The following SEZ6 variants were observed in gnomAD, a reference collection of about 807,000 sequenced individuals.
SEZ6 encodes seizure protein 6 homolog.
In SEZ6, 53 loss-of-function variants were observed where a neutral mutation model predicts 101.0. That is an observed-to-expected ratio of 0.52 (90% CI 0.42 to 0.66). SEZ6 has a LOEUF of 0.66. SEZ6 is among the 30% of genes least tolerant of loss of function. SEZ6 has a pLI of 0.00. For synonymous variants in SEZ6, 488 were observed against 512.2 expected (o/e 0.95, Z 0.64); for missense variants, 1,102 against 1,289.4 (o/e 0.85, Z 2.23).
intron 4 of SEZ6, among the ~76,000 whole-genome samples, chr17:28,967,879 G>C (rs565370375): frequency 6.6e-6 from 1 of 152,212 alleles, no homozygotes; most frequent in Admixed American, 6.5e-5. Context: ...AACCGTTCCC[G>C]GGGAGCCTGA....
chr17:28,990,202 C>T (rs1255389956), intron 1 of SEZ6, among the ~76,000 whole-genome samples: 1 of 152,172 alleles, frequency 6.6e-6, no homozygotes, highest in African/African-American at 2.4e-5. Flanking sequence ...TTGCAACTTT[C>T]CCAATTACTC....
intron 3 of SEZ6, among the ~76,000 whole-genome samples, chr17:28,974,080 T>C (rs1445443295): frequency 6.6e-6 from 1 of 152,146 alleles, no homozygotes; most frequent in Non-Finnish European, 1.5e-5. Context: ...GCCCTGTCTG[T>C]CCCCATAGAA....
chr17:28,968,947 C>G (rs1386585024), intron 4 of SEZ6, among the ~76,000 whole-genome samples: 2 of 152,232 alleles, frequency 1.3e-5, no homozygotes, highest in African/African-American at 2.4e-5. Flanking sequence ...CTTTTCCTCC[C>G]TCTCCCATCC....
At chr17:28,991,483 GGT>G (rs2041456970) in intron 1 of SEZ6, among the ~76,000 whole-genome samples, 1 of 152,248 alleles carries the variant, frequency 6.6e-6, no homozygotes, top group Non-Finnish European at 1.5e-5. Flanking sequence ...TGGGATTACA[GGT>G]ATGAGTCACA....
chr17:28,959,967 C>T lies in SEZ6; in HGVS notation c.1577-75G>A. ...CAGTGGGCAAGCATCCCCCTACTTC[C>T]CTCCCCAGAGCCTTTCTTTTCCTGG... On this transcript the variant is annotated intron_variant, in intron 7 of 16. Transcript: ENST00000317338. The surrounding 1 kb of genome is among the most constrained non-coding windows in gnomAD (Gnocchi z 4.4). 1.4e-6 allele frequency: 2 copies of T among 1,470,796 alleles called. No individual in the cohort carries two copies. Among genetic ancestry groups the T allele is most frequent in the Non-Finnish European group, 1.8e-6 (2 of 1,083,636 alleles). The allele number at this position is 1,470,796 out of a possible 1,614,324, so 91.1% of individuals were successfully genotyped here. A position where few individuals can be genotyped will look rare whatever the true frequency, so the allele number is the denominator to read the frequency against.
chr17:28,956,391 C>G lies in SEZ6; in HGVS notation c.2808G>C (p.Ala936=). ...IAAAIFLPLV[A]MVLLVGGVYF... ...ATACACCTCCTACCAACAACACCAT[C>G]GCCACCAGTGGCAAGAAGATGGCAG... The change falls in exon 15 of 17, where the codon GCG becomes GCC. Residue 936 remains alanine (A), a synonymous_variant. Transcript: ENST00000317338. 1 of 1,572,430 alleles carries G rather than the reference C, an allele frequency of 6.4e-7. No homozygotes were observed. The highest frequency in any genetic ancestry group is 1.9e-5 in the Admixed American group (1 of 53,480).
chr17:28,997,366 C>T (rs1194231537), intron 1 of SEZ6, among the ~76,000 whole-genome samples: 1 of 152,170 alleles, frequency 6.6e-6, no homozygotes, highest in African/African-American at 2.4e-5. Context: ...AGGGGGCCTG[C>T]CAGCTGCTGG....
At chr17:28,969,656 C>T in intron 4 of SEZ6, 101 bp downstream of exon 4, 1 of 1,144,894 alleles carries the variant, frequency 8.7e-7, no homozygotes, top group Admixed American at 4.2e-5. Flanking sequence ...TAGCCCCTCT[C>T]TGCTCCTTCC....
chr17:28,978,813 C>T (rs1431363355), intron 3 of SEZ6, among the ~76,000 whole-genome samples: 1 of 151,102 alleles, frequency 6.6e-6, no homozygotes, highest in Non-Finnish European at 1.5e-5. Flanking sequence ...GCAGCTACTG[C>T]ATCATCAGGG....
intron 1 of SEZ6, among the ~76,000 whole-genome samples, chr17:29,004,625 C>A (rs2041660349): frequency 6.6e-6 from 1 of 152,194 alleles, no homozygotes; most frequent in South Asian, 2.1e-4. Flanking sequence ...GCCTTGACCT[C>A]GGCAGCGGCC....
chr17:28,980,592 G>A (rs2041286578), intron 2 of SEZ6, among the ~76,000 whole-genome samples: 1 of 151,636 alleles, frequency 6.6e-6, no homozygotes, highest in African/African-American at 2.4e-5. Flanking sequence ...GGGTGGTCTC[G>A]ATCTCCTGAC....
At chr17:28,991,354 G>A (rs911202634) in intron 1 of SEZ6, among the ~76,000 whole-genome samples, 1 of 152,016 alleles carries the variant, frequency 6.6e-6, no homozygotes, top group Admixed American at 6.5e-5. Context: ...GCAGGCGCCC[G>A]CCACTACGCC....
chr17:28,957,396 G>A lies in SEZ6; in HGVS notation c.2446C>T (p.Arg816Cys), dbSNP rs757335969. The A allele has an allele frequency of 3.1e-6, 5 of 1,613,774 alleles. No individual in the cohort carries two copies. The highest frequency in any genetic ancestry group is 1.1e-5 in the South Asian group (1 of 91,052). The change falls in exon 12 of 17, where the codon CGC (arginine) becomes TGC (cysteine). Residue 816 changes from arginine (R) to cysteine (C), a missense_variant. Around this residue, in one of 3 missense-constraint regions of SEZ6, gnomAD observed 556 missense variants for 735.1 expected, o/e 0.76. Coordinates refer to ENST00000317338, the MANE Select transcript of SEZ6 (RefSeq NM_178860.5). ...CTCCACTTGGGGCTGCCAGCCTGGC[G>A]ATCATGGCAGGTGAGGATGGAGCTG... is the stretch of plus-strand genomic sequence containing the variant. ...MGSSILTCHD[R>C]QAGSPKWSDR...
At chr17:28,976,582 A>G (rs1476312502) in intron 3 of SEZ6, among the ~76,000 whole-genome samples, 1 of 152,124 alleles carries the variant, frequency 6.6e-6, no homozygotes, top group Non-Finnish European at 1.5e-5. Context: ...CTGAGGAGCC[A>G]TGGGGAGCTC....
At chr17:28,994,698 C>T (rs544088204) in intron 1 of SEZ6, among the ~76,000 whole-genome samples, 6 of 152,032 alleles carry the variant, frequency 3.9e-5, no homozygotes, top group Admixed American at 2.6e-4. Context: ...CGTAAGCCAC[C>T]GCGTCCGGCC....
intron 1 of SEZ6, among the ~76,000 whole-genome samples, chr17:29,002,255 C>T (rs1445456501): frequency 6.6e-6 from 1 of 152,004 alleles, no homozygotes; most frequent in African/African-American, 2.4e-5. Flanking sequence ...GCTGGAGGGC[C>T]TGGAACTGGA....
chr17:28,974,186 G>C (rs761976899), intron 3 of SEZ6, among the ~76,000 whole-genome samples: 13 of 152,122 alleles, frequency 8.5e-5, no homozygotes, highest in Non-Finnish European at 1.3e-4. Context: ...GTACAACCCG[G>C]CATAGGCAGA....
At chr17:28,969,690 A>AC (rs1240669292) in intron 4 of SEZ6, 67 bp downstream of exon 4, 54 of 1,339,092 alleles carry the variant, frequency 4.0e-5, no homozygotes, top group Non-Finnish European at 5.1e-5. Context: ...TTGCACAGAG[A>AC]CCCCCCTCCC....
intron 3 of SEZ6, among the ~76,000 whole-genome samples, chr17:28,973,295 T>C (rs1469549012): frequency 1.3e-5 from 2 of 152,230 alleles, no homozygotes; most frequent in African/African-American, 4.8e-5. Context: ...GGGGGCATCT[T>C]CTGTAGAAAT....
Sources: gnomAD v4.1 joint callset for allele counts (sites outside exome capture counted in the v4.1 genomes callset) on GRCh38, gnomAD v4.1.1 for gene constraint, gnomAD v4.1.1 regional missense constraint, Gnocchi (gnomAD v3.1) non-coding constraint, MANE v1.5 for transcripts, NCBI Gene and HGNC (gene_info 2026-07-23, HGNC 2026-07-21) for gene names.